Variants in GNAT3 observed in about 807,000 individuals in gnomAD.
GNAT3 encodes guanine nucleotide-binding protein G(t) subunit alpha-3.
GNAT3 carries 31 observed loss-of-function variants against 37.7 expected under a neutral mutation model. The observed-to-expected ratio is 0.82, with a 90% CI of 0.62 to 1.11. GNAT3 has a LOEUF of 1.11. Among genes scored for constraint, GNAT3 ranks in the 50% most tolerant of loss-of-function variants. The pLI, the probability that GNAT3 is intolerant of heterozygous loss-of-function variation, is 0.00. For synonymous variants in GNAT3, 138 were observed against 139.8 expected, an observed-to-expected ratio of 0.99 and a Z score of 0.09; for missense variants, 437 against 412.5, an observed-to-expected ratio of 1.06 and a Z score of -0.51.
intron 3 of GNAT3, among the ~76,000 whole-genome samples, chr7:80,479,835 T>C (rs977510496): frequency 2.0e-5 from 3 of 151,920 alleles, no homozygotes; most frequent in Non-Finnish European, 4.4e-5. Flanking sequence ...CGTAATCATA[T>C]AAAGAATGGT....
At chr7:80,511,667 A>T (rs566944248) in intron 1 of GNAT3, 142 bp downstream of exon 1, 1 of 555,884 alleles carries the variant, frequency 1.8e-6, no homozygotes, top group East Asian at 3.0e-5. Context: ...AGTACAAATA[A>T]ATTTTCCTTA....
At chr7:80,479,556 A>C (rs1255925380) in intron 3 of GNAT3, among the ~76,000 whole-genome samples, 1 of 151,804 alleles carries the variant, frequency 6.6e-6, no homozygotes, top group African/African-American at 2.4e-5. Context: ...TTTTCTCTAC[A>C]AAAAAATTAG....
chr7:80,459,758 T>A (rs1477331974), intron 7 of GNAT3, among the ~76,000 whole-genome samples: 1 of 152,224 alleles, frequency 6.6e-6, no homozygotes, highest in Non-Finnish European at 1.5e-5. Context: ...GTTTCCTACT[T>A]TATTGTAACT....
chr7:80,468,037 T>G (rs1364981572), intron 5 of GNAT3, among the ~76,000 whole-genome samples: 1 of 152,006 alleles, frequency 6.6e-6, no homozygotes. Flanking sequence ...TAACTAAAAT[T>G]TATGATGTAG....
chr7:80,491,789 A>G (rs1790597423), intron 2 of GNAT3, among the ~76,000 whole-genome samples: 1 of 152,192 alleles, frequency 6.6e-6, no homozygotes, highest in South Asian at 2.1e-4. Context: ...TGGAAAGTAA[A>G]GAGAGCTAAT....
In GNAT3 at chr7:80,474,298, C is replaced by T. The variant is rs201932308; in HGVS notation, c.543G>A (p.Thr181=). ...EQDVLHSRVK[T]TGIIETQFSF... ...AGAATTGAGTTTCAATGATTCCAGT[C>T]GTTTTCACTCGAGAATGGAGAACAT... The change falls in exon 5 of 8, where the codon ACG becomes ACA. Residue 181 remains threonine, a synonymous_variant. Transcript: ENST00000398291. 8.2e-6 allele frequency: 13 copies of T among 1,589,006 alleles called. No homozygotes were observed. The South Asian group carries it at 9.1e-5, about 11-fold the overall frequency.
At chr7:80,494,972 G>A (rs770516581) in intron 1 of GNAT3, among the ~76,000 whole-genome samples, 6 of 152,150 alleles carry the variant, frequency 3.9e-5, no homozygotes, top group Middle Eastern at 6.8e-3. Context: ...ACTTATAAGT[G>A]AGAACATACG....
rs765543002 is a variant in GNAT3, at chr7:80,458,789, T to C, written c.947A>G (p.Asp316Gly). The C allele has an allele frequency of 9.4e-6, 15 of 1,596,930 alleles. No homozygotes were observed. Among genetic ancestry groups the C allele is most frequent in the Non-Finnish European group, 1.3e-5 (15 of 1,171,354 alleles). Residue 316 changes from aspartate to glycine, a missense_variant, in exon 8 of 8, where the codon GAT becomes GGT. Asp to Gly is a moderately conservative substitution (Grantham distance 94). Transcript: ENST00000398291. The part of the protein sequence containing the change: ...QFLDLNLKKE[D>G]KEIYSHMTCA... ...GGTCATGTGGGAATAAATTTCCTTA[T>C]CTTCTTTTTTTAAATTCAGGTCTAG...
chr7:80,458,912 G>C, intron 7 of GNAT3, 51 bp from the exon 8 acceptor site: 1 of 1,208,504 alleles, frequency 8.3e-7, no homozygotes, highest in Non-Finnish European at 1.2e-6. Flanking sequence ...ATGTTACAAA[G>C]AATAGGCTAT....
chr7:80,465,138 T>C (rs918520758), intron 5 of GNAT3, among the ~76,000 whole-genome samples: 1 of 152,194 alleles, frequency 6.6e-6, no homozygotes, highest in African/African-American at 2.4e-5. Context: ...ATTTAAATTG[T>C]TCATGAACTG....
Position 80,463,623 on chromosome 7 carries a change from A to G in GNAT3, c.591-992T>C, listed in dbSNP as rs992720690. ...GCATCACTTTCTTTCCTTTATGGTA[A>G]TCATCAATATCTATCATCTCCCTAA... is the stretch of plus-strand genomic sequence containing the variant. On this transcript the variant is annotated intron_variant, in intron 5 of 7. Coordinates refer to ENST00000398291, the MANE Select transcript of GNAT3 (RefSeq NM_001102386.3). Among the ~76,000 whole-genome samples, 6 of 151,792 alleles carry G rather than the reference A, an allele frequency of 4.0e-5. No individual in the cohort carries two copies. The East Asian group carries it at 9.7e-4, about 25-fold the overall frequency.
At chr7:80,478,125 G>A (rs1188038865) in intron 4 of GNAT3, among the ~76,000 whole-genome samples, 1 of 152,186 alleles carries the variant, frequency 6.6e-6, no homozygotes, top group African/African-American at 2.4e-5. Context: ...AACCCAGGCT[G>A]GTCTCAAATT....
intron 1 of GNAT3, among the ~76,000 whole-genome samples, chr7:80,497,064 A>G (rs1790730496): frequency 6.6e-6 from 1 of 152,180 alleles, no homozygotes; most frequent in Non-Finnish European, 1.5e-5. Flanking sequence ...TTGGCTCTCC[A>G]TCACTGATAG....
intron 1 of GNAT3, among the ~76,000 whole-genome samples, chr7:80,507,555 C>A (rs1790971408): frequency 6.6e-6 from 1 of 151,894 alleles, no homozygotes; most frequent in African/African-American, 2.4e-5. Context: ...ACTTTGACAT[C>A]CATTATTTCT....
chr7:80,459,728 T>A (rs1481113993), intron 7 of GNAT3, among the ~76,000 whole-genome samples: 1 of 152,178 alleles, frequency 6.6e-6, no homozygotes, highest in African/African-American at 2.4e-5. Flanking sequence ...GCATAAAGAC[T>A]TTCTAAAAAA....
At chr7:80,475,084 C>T (rs1386188403) in intron 4 of GNAT3, among the ~76,000 whole-genome samples, 7 of 152,012 alleles carry the variant, frequency 4.6e-5, no homozygotes, top group African/African-American at 1.7e-4. Context: ...CCTGGCTCTC[C>T]TGGGGACAGA....
rs1791077132 is a variant in GNAT3 at position 80,512,048 on chromosome 7, T to C, written c.-122A>G. On this transcript the variant is annotated 5_prime_UTR_variant, in exon 1 of 8. Transcript: ENST00000398291. ...CTGAAGTACCTAGCAGTCCATTCCC[T>C]AATGCTCTAAGATTCTGCTTTGACT... 1.6e-6 allele frequency: 1 copy of C among 624,334 alleles called. No homozygotes were observed. The highest frequency in any genetic ancestry group is 2.4e-5 in the Admixed American group (1 of 41,102). 38.7% of individuals were successfully genotyped at this position (624,334 alleles called of 1,614,324 possible).
In GNAT3 at chr7:80,488,616, G is replaced by A; in HGVS notation, c.222C>T (p.Tyr74=). Residue 74 remains tyrosine, a synonymous_variant, in exon 3 of 8, where the codon TAC becomes TAT. Transcript: ENST00000398291. ...CTAGGATGGATTGCAATGTATTACT[G>A]TAAATTACTGCTTTGAACTCCATGC... The part of the protein sequence containing the change: ...QECMEFKAVI[Y]SNTLQSILAI... 6.3e-7 allele frequency: 1 copy of A among 1,591,172 alleles called. No homozygotes were observed. The highest frequency in any genetic ancestry group is 8.6e-7 in the Non-Finnish European group (1 of 1,165,882).
intron 5 of GNAT3, 38 bp from the exon 6 acceptor site, chr7:80,462,669 A>G: frequency 1.3e-6 from 2 of 1,559,662 alleles, no homozygotes; most frequent in East Asian, 2.3e-5. Context: ...AATCTTGCAA[A>G]TATCCTCCAA....
Sources: gnomAD v4.1 joint callset for allele counts (sites outside exome capture counted in the v4.1 genomes callset) on GRCh38, gnomAD v4.1.1 for gene constraint, MANE v1.5 for transcripts, NCBI Gene and HGNC (gene_info 2026-07-23, HGNC 2026-07-21) for gene names.